Variants in ATF2 observed in about 807,000 individuals in gnomAD.
ATF2 encodes the protein cyclic AMP-dependent transcription factor ATF-2.
In ATF2, 24 loss-of-function variants were observed where a neutral mutation model predicts 60.6. That is an observed-to-expected ratio of 0.40 (90% CI 0.29 to 0.56). The LOEUF (loss-of-function observed/expected upper bound fraction) is 0.56, where lower values mean the gene tolerates loss of function less well. Ranked by LOEUF, ATF2 falls within the 20% of genes least tolerant of loss-of-function variation. The pLI, the probability that ATF2 is intolerant of heterozygous loss-of-function variation, is 0.54. For missense variants in ATF2, 433 were observed against 607.7 expected, an observed-to-expected ratio of 0.71 and a Z score of 3.02; for synonymous variants, 206 against 215.4, an observed-to-expected ratio of 0.96 and a Z score of 0.38.
chr2:175,121,340 C>A, intron 5 of ATF2, 104 bp downstream of exon 5: 1 of 614,252 alleles, frequency 1.6e-6, no homozygotes, highest in South Asian at 4.4e-5. Context: ...ATAATGAAGT[C>A]ATTGGAATAT....
At chr2:175,104,341 C>A (rs934877698) in intron 10 of ATF2, among the ~76,000 whole-genome samples, 1 of 151,990 alleles carries the variant, frequency 6.6e-6, no homozygotes, top group Non-Finnish European at 1.5e-5. Context: ...CTAATAAATT[C>A]TTGAGAGAGA....
chr2:175,134,872 T>C (rs1385537595), intron 3 of ATF2, among the ~76,000 whole-genome samples: 2 of 151,262 alleles, frequency 1.3e-5, no homozygotes, highest in Non-Finnish European at 3.0e-5. Flanking sequence ...GTCATGGTGG[T>C]GTACACCTGT....
intron 1 of ATF2, among the ~76,000 whole-genome samples, chr2:175,162,005 C>A (rs1700057053): frequency 6.6e-6 from 1 of 152,324 alleles, no homozygotes; most frequent in South Asian, 2.1e-4. Context: ...AGGTGATCCA[C>A]CTGCCTAGGC....
intron 13 of ATF2, chr2:175,080,438 TA>T (rs1693684905): frequency 2.8e-6 from 1 of 352,952 alleles, no homozygotes; most frequent in Non-Finnish European, 5.1e-6. Context: ...TGTTGATCTA[TA>T]GTAACGCTTA....
intron 2 of ATF2, among the ~76,000 whole-genome samples, chr2:175,143,090 A>G (rs1698709941): frequency 6.6e-6 from 1 of 152,168 alleles, no homozygotes; most frequent in Non-Finnish European, 1.5e-5. Context: ...AACTACACCT[A>G]ATGAACTAAG....
At chr2:175,113,537 G>A (rs748028059) in intron 9 of ATF2, among the ~76,000 whole-genome samples, 2 of 152,094 alleles carry the variant, frequency 1.3e-5, no homozygotes, top group Non-Finnish European at 2.9e-5. Context: ...CAGGGAAAGT[G>A]AAAGATTATT....
chr2:175,074,937 A>C (rs1287230825), intron 13 of ATF2, 102 bp from the exon 14 acceptor site: 1 of 1,539,874 alleles, frequency 6.5e-7, no homozygotes, highest in Non-Finnish European at 8.7e-7. Flanking sequence ...AGTATCTTAC[A>C]AAACTGATTA....
In ATF2 at chr2:175,118,326, T is replaced by C. The variant is rs769584864; in HGVS notation, c.243A>G (p.Glu81=). ...TCGCCAACTCATTAAACAAACCCACTTCTTCACAGTTTTTCAAGAATCTTG... is the reference window on the plus strand; with the variant it reads ...TCGCCAACTCATTAAACAAACCCACCTCTTCACAGTTTTTCAAGAATCTTG... ...TPTRFLKNCE[E]VGLFNELASP... is the part of the protein sequence containing the mutation. The change falls in exon 6 of 14, where the codon GAA becomes GAG. Residue 81 remains glutamate (E), a synonymous_variant. Coordinates refer to ENST00000264110, the MANE Select transcript of ATF2 (RefSeq NM_001880.4). 5.6e-6 allele frequency: 9 copies of C among 1,610,810 alleles called. 1 individual carries two copies. In the South Asian group the frequency reaches 9.9e-5, roughly 18 times the overall value.
At chr2:175,161,565 T>C (rs1245593482) in intron 1 of ATF2, among the ~76,000 whole-genome samples, 1 of 152,194 alleles carries the variant, frequency 6.6e-6, no homozygotes, top group East Asian at 1.9e-4. Flanking sequence ...TTCTAATAAC[T>C]ATCCTAAAAT....
chr2:175,159,243 T>A (rs1473502785), intron 1 of ATF2, among the ~76,000 whole-genome samples: 3 of 151,544 alleles, frequency 2.0e-5, no homozygotes, highest in Non-Finnish European at 4.4e-5. Flanking sequence ...TGCTTGAGCC[T>A]GGGAGGTGGA....
chr2:175,095,224 A>T (rs1337473218), intron 11 of ATF2, among the ~76,000 whole-genome samples: 1 of 151,776 alleles, frequency 6.6e-6, no homozygotes, highest in African/African-American at 2.4e-5. Flanking sequence ...CAGCCTCCCG[A>T]GTAGCTCGGA....
chr2:175,146,505 T>C (rs905306386), intron 2 of ATF2, among the ~76,000 whole-genome samples: 1 of 152,216 alleles, frequency 6.6e-6, no homozygotes, highest in African/African-American at 2.4e-5. Context: ...TAAAAACTTA[T>C]AGAAGGAGTT....
intron 11 of ATF2, among the ~76,000 whole-genome samples, chr2:175,095,323 C>G (rs1303445592): frequency 1.3e-5 from 2 of 152,100 alleles, no homozygotes; most frequent in Non-Finnish European, 2.9e-5. Flanking sequence ...AACTCCTGAC[C>G]TCAGGTGATC....
At chr2:175,092,500 G>A in intron 12 of ATF2, 1 of 289,302 alleles carries the variant, frequency 3.5e-6, no homozygotes, top group South Asian at 3.5e-5. Context: ...CACATTGGCA[G>A]GGCAGTATGA....
At chr2:175,158,449 T>C (rs1699821303) in intron 1 of ATF2, among the ~76,000 whole-genome samples, 1 of 152,032 alleles carries the variant, frequency 6.6e-6, no homozygotes, top group Non-Finnish European at 1.5e-5. Flanking sequence ...CTTGAATTCC[T>C]TGAGCTCAAA....
At position 175,080,746 on chromosome 2, in the gene ATF2, C is replaced by T. The variant is rs1240446063; in HGVS notation, c.1205G>A (p.Arg402Lys). The T allele has an allele frequency of 3.7e-6, 6 of 1,612,742 alleles. No individual in the cohort carries two copies. In the African/African-American group the frequency reaches 6.7e-5, roughly 18 times the overall value. Residue 402 changes from arginine to lysine, a missense_variant, in exon 13 of 14, where the codon AGA becomes AAA. Around this residue, in one of 5 missense-constraint regions of ATF2, gnomAD observed 24 missense variants for 75.4 expected, o/e 0.32. Transcript: ENST00000264110. ...GQLQSEVTLL[R>K]NEVAQLKQLL... The stretch of plus-strand genomic sequence containing the variant: ...CTGTTTCAGCTGTGCCACTTCATTT[C>T]TCAGCAGGGTGACTTCACTCTGGAG...
chr2:175,164,077 G>A (rs1700201214), intron 1 of ATF2, among the ~76,000 whole-genome samples: 1 of 148,904 alleles, frequency 6.7e-6, no homozygotes, highest in East Asian at 2.0e-4. Flanking sequence ...AATAGGCCCG[G>A]GTGCAGTGGC....
At chr2:175,095,254 C>A (rs190218824) in intron 11 of ATF2, among the ~76,000 whole-genome samples, 2 of 152,140 alleles carry the variant, frequency 1.3e-5, no homozygotes, top group East Asian at 1.9e-4. Context: ...CCCACCACCA[C>A]ACCCAGCTTA....
At chr2:175,141,949 C>T (rs1358324308) in intron 2 of ATF2, among the ~76,000 whole-genome samples, 1 of 151,858 alleles carries the variant, frequency 6.6e-6, no homozygotes, top group Non-Finnish European at 1.5e-5. Context: ...GGTAAAAGAG[C>T]ACTAACAATT....
Sources: gnomAD v4.1 joint callset for allele counts (sites outside exome capture counted in the v4.1 genomes callset) on GRCh38, gnomAD v4.1.1 for gene constraint, gnomAD v4.1.1 regional missense constraint, MANE v1.5 for transcripts, NCBI Gene and HGNC (gene_info 2026-07-23, HGNC 2026-07-21) for gene names.